PPTC7: variants seen among roughly 807,000 people sequenced by gnomAD.
The protein encoded by PPTC7 is protein phosphatase PTC7 homolog.
In PPTC7, 6 loss-of-function variants were observed where a neutral mutation model predicts 30.8. That is an observed-to-expected ratio of 0.19 (90% confidence interval 0.11 to 0.38). PPTC7 has a LOEUF of 0.38. PPTC7 is among the 10% of genes least tolerant of loss of function. The probability of loss-of-function intolerance (pLI) is 1.00; values close to 1 mark genes in which losing one functional copy is unlikely to be tolerated. For synonymous variants in PPTC7, 163 were observed against 168.1 expected, an observed-to-expected ratio of 0.97 and a Z score of 0.23; for missense variants, 218 against 404.8, an observed-to-expected ratio of 0.54 and a Z score of 3.96.
At chr12:110,552,068 A>G in intron 1 of PPTC7, 100 bp from the exon 2 acceptor site, 1 of 898,252 alleles carries the variant, frequency 1.1e-6, no homozygotes, top group Non-Finnish European at 1.7e-6. Flanking sequence ...ACTACATGCT[A>G]CTACATACAT....
chr12:110,549,113 A>G (rs1035283899), intron 2 of PPTC7, among the ~76,000 whole-genome samples: 3 of 152,196 alleles, frequency 2.0e-5, no homozygotes, highest in Non-Finnish European at 2.9e-5. Flanking sequence ...CTTATTTTGT[A>G]AACTACTACT....
At chr12:110,578,487 C>T (rs2064607785) in intron 1 of PPTC7, among the ~76,000 whole-genome samples, 8 of 152,076 alleles carry the variant, frequency 5.3e-5, no homozygotes, top group Admixed American at 3.9e-4. Context: ...TTTTCCGAAA[C>T]GAAATACAGT....
At chr12:110,543,904 G>A (rs2064284589) in intron 3 of PPTC7, among the ~76,000 whole-genome samples, 1 of 152,224 alleles carries the variant, frequency 6.6e-6, no homozygotes, top group Admixed American at 6.5e-5. Context: ...GACAGTGTGT[G>A]AGATATGGCA....
At position 110,536,998 on chromosome 12, in the gene PPTC7, T is replaced by C. The variant is rs367757579; in HGVS notation, c.*39A>G. On this transcript the variant is annotated 3_prime_UTR_variant, in exon 6 of 6. Coordinates refer to ENST00000354300, the MANE Select transcript of PPTC7 (RefSeq NM_139283.2). ...GATCAGCACACATGGCAGGGGAAAT[T>C]TGGGATGATGAAAGGAAAGGCAGGA... 5.3e-5 allele frequency: 81 copies of C among 1,533,712 alleles called. No individual in the cohort carries two copies. The African/African-American group carries it at 8.7e-4, about 17-fold the overall frequency.
chr12:110,574,279 G>A (rs911881114), intron 1 of PPTC7, among the ~76,000 whole-genome samples: 2 of 149,666 alleles, frequency 1.3e-5, no homozygotes, highest in Non-Finnish European at 2.9e-5. Flanking sequence ...TGAGGAAACA[G>A]ATTCACATTA....
intron 1 of PPTC7, among the ~76,000 whole-genome samples, chr12:110,580,559 C>T (rs746019716): frequency 2.0e-4 from 31 of 152,166 alleles, no homozygotes; most frequent in Admixed American, 2.6e-4. Context: ...AGGCTGGTCT[C>T]GAACTCCTAA....
At chr12:110,538,026 G>T in intron 5 of PPTC7, 118 bp downstream of exon 5, 1 of 1,065,182 alleles carries the variant, frequency 9.4e-7, no homozygotes. Context: ...AGCCACAAGT[G>T]CACAGTTTGG....
At chr12:110,546,382 T>G (rs937675063) in intron 2 of PPTC7, 2 of 346,310 alleles carry the variant, frequency 5.8e-6, no homozygotes, top group African/African-American at 2.1e-5. Context: ...CACTATTTCA[T>G]TTCAACAGTG....
chr12:110,582,389 T>C (rs573172837), intron 1 of PPTC7, among the ~76,000 whole-genome samples: 2 of 151,986 alleles, frequency 1.3e-5, no homozygotes, highest in African/African-American at 2.4e-5. Flanking sequence ...CGGGCTGTGG[T>C]GTCGGGAGCA....
chr12:110,573,025 G>A (rs547617750), intron 1 of PPTC7, among the ~76,000 whole-genome samples: 74 of 152,148 alleles, frequency 4.9e-4, no homozygotes, highest in South Asian at 2.1e-3. Flanking sequence ...GATTACAGGC[G>A]CCCGACACTA....
chr12:110,538,982 C>A (rs1389738651), intron 4 of PPTC7, among the ~76,000 whole-genome samples: 1 of 152,186 alleles, frequency 6.6e-6, no homozygotes, highest in Non-Finnish European at 1.5e-5. Flanking sequence ...TTTTCCTCCA[C>A]TAGGATGTAA....
intron 1 of PPTC7, among the ~76,000 whole-genome samples, chr12:110,568,940 G>A (rs751672356): frequency 1.5e-4 from 23 of 152,146 alleles, no homozygotes; most frequent in Non-Finnish European, 2.6e-4. Context: ...GCTTCAGTCC[G>A]GGAGGTCGAG....
rs1046928946 is a variant in PPTC7, at chr12:110,558,853, G to A, written c.224-6885C>T. Among the ~76,000 whole-genome samples, 7 of 152,138 alleles carry A rather than the reference G, an allele frequency of 4.6e-5. No homozygotes were observed. The South Asian group carries it at 1.0e-3, about 22-fold the overall frequency. On this transcript the variant is annotated intron_variant, in intron 1 of 5. Coordinates refer to ENST00000354300, the MANE Select transcript of PPTC7 (RefSeq NM_139283.2). ...AAACTCTTGACTTCATGATCCGCCC[G>A]CCTCGGCCTCCCAAAGTGCTGGGAT... is the stretch of plus-strand genomic sequence containing the variant.
intron 3 of PPTC7, among the ~76,000 whole-genome samples, chr12:110,542,627 C>T (rs758242678): frequency 4.9e-5 from 7 of 143,366 alleles, no homozygotes; most frequent in African/African-American, 1.3e-4. Flanking sequence ...GCCGAGATTG[C>T]GCCACTGCAC....
At chr12:110,537,989 T>G (rs953995320) in intron 5 of PPTC7, among the ~76,000 whole-genome samples, 155 bp downstream of exon 5, 1 of 152,138 alleles carries the variant, frequency 6.6e-6, no homozygotes, top group African/African-American at 2.4e-5. Context: ...GAAATGCACT[T>G]GCTCTCATCC....
chr12:110,568,487 C>T (rs1019170717), intron 1 of PPTC7, among the ~76,000 whole-genome samples: 3 of 152,048 alleles, frequency 2.0e-5, no homozygotes, highest in Non-Finnish European at 4.4e-5. Flanking sequence ...CTCCTGACCT[C>T]GTGATCCGCC....
At chr12:110,579,191 T>C (rs915382082) in intron 1 of PPTC7, among the ~76,000 whole-genome samples, 36 of 151,154 alleles carry the variant, frequency 2.4e-4, no homozygotes, top group Middle Eastern at 3.5e-3. Context: ...ATCAACTAAA[T>C]AGAAGTCACC....
intron 1 of PPTC7, among the ~76,000 whole-genome samples, chr12:110,563,629 A>T (rs1195031724): frequency 6.6e-6 from 1 of 151,838 alleles, no homozygotes; most frequent in East Asian, 1.9e-4. Context: ...AAAAAAAAAA[A>T]GTGTGAAAAT....
At chr12:110,568,621 T>C (rs2064506639) in intron 1 of PPTC7, among the ~76,000 whole-genome samples, 1 of 152,280 alleles carries the variant, frequency 6.6e-6, no homozygotes, top group African/African-American at 2.4e-5. Context: ...AACATCAGGG[T>C]TGAAGTCTGT....
Sources: gnomAD v4.1 joint callset for allele counts (sites outside exome capture counted in the v4.1 genomes callset) on GRCh38, gnomAD v4.1.1 for gene constraint, MANE v1.5 for transcripts, NCBI Gene and HGNC (gene_info 2026-07-23, HGNC 2026-07-21) for gene names.